The following APOB variants were observed in gnomAD, a reference collection of about 807,000 sequenced individuals.
APOB encodes the protein apolipoprotein B-100.
Under a neutral mutation model 314.1 loss-of-function variants are expected in APOB, and 153 were observed. That is an observed-to-expected ratio of 0.49 (90% CI 0.43 to 0.56). APOB has a LOEUF of 0.56. APOB is among the 20% of genes least tolerant of loss of function. The pLI is 0.00. For synonymous variants in APOB, 2,087 were observed against 2,036.4 expected, an observed-to-expected ratio of 1.02 and a Z score of -0.67; for missense variants, 5,430 against 5,350.7, an observed-to-expected ratio of 1.01 and a Z score of -0.46.
chr2:21,020,026 T>G, intron 18 of APOB, 121 bp from the exon 19 acceptor site: 5 of 851,204 alleles, frequency 5.9e-6, no homozygotes, highest in Non-Finnish European at 1.0e-5. Context: ...CACCTATCTC[T>G]AACTATTTAA....
Position 21,035,651 on chromosome 2 carries a change from C to T in APOB, c.751G>A (p.Ala251Thr), listed in dbSNP as rs61741625. 4.3e-4 allele frequency: 688 copies of T among 1,614,078 alleles called. 2 individuals carry two copies. The African/African-American group carries it at 7.3e-3, about 17-fold the overall frequency. ...SSQSCQYTLD[A>T]KRKHVAEAIC... ...GCTTCTGCCACATGCTTCCTCTTAG[C>T]GTCCAGTGTGTACTGACAGGACTGG... Residue 251 changes from alanine (A) to threonine (T), a missense_variant, in exon 7 of 29, where the codon GCT becomes ACT. Ala to Thr is a moderately conservative substitution (Grantham distance 58). Transcript: ENST00000233242.
intron 28 of APOB, among the ~76,000 whole-genome samples, chr2:21,004,019 T>A (rs1663063135): frequency 6.6e-6 from 1 of 152,218 alleles, no homozygotes; most frequent in South Asian, 2.1e-4. Flanking sequence ...ATAACCCTCA[T>A]CTTCCTGGAT....
intron 5 of APOB, 68 bp from the exon 6 acceptor site, chr2:21,037,323 T>C: frequency 6.9e-7 from 1 of 1,440,208 alleles, no homozygotes; most frequent in Non-Finnish European, 9.7e-7. Context: ...TTGGGAGGGA[T>C]GGGGTGGGGA....
intron 18 of APOB, among the ~76,000 whole-genome samples, chr2:21,020,353 C>T (rs574542215): frequency 2.0e-5 from 3 of 152,332 alleles, no homozygotes; most frequent in Admixed American, 2.0e-4. Flanking sequence ...TGCCCCTCCC[C>T]TATGCTCCTT....
chr2:21,042,898 A>G (rs550957163), intron 2 of APOB, among the ~76,000 whole-genome samples: 25 of 151,912 alleles, frequency 1.6e-4, no homozygotes, highest in African/African-American at 6.0e-4. Flanking sequence ...TTAAGCATTA[A>G]GCGTAACTAA....
In APOB at chr2:21,042,402, C is replaced by G. The variant is rs1664151833; in HGVS notation, c.196G>C (p.Gly66Arg). Residue 66 changes from glycine (G) to arginine (R), a missense_variant, in exon 3 of 29, where the codon GGG becomes CGG. Around this residue, in one of 3 missense-constraint regions of APOB, gnomAD observed 2,085 missense variants for 2,079.7 expected, o/e 1.00. Coordinates refer to ENST00000233242, the MANE Select transcript of APOB (RefSeq NM_000384.3). ...GTGGCACTTCTTGAATCAGCAGTCC[C>G]AGGGACTCCACTGGAACTCTCAGCC... Reference protein sequence around the residue: ...YEAESSSGVPGTADSRSATRI... With the variant: ...YEAESSSGVPRTADSRSATRI... 7 of 1,614,098 alleles carry G rather than the reference C, an allele frequency of 4.3e-6. No individual in the cohort carries two copies. The highest frequency in any genetic ancestry group is 5.9e-6 in the Non-Finnish European group (7 of 1,180,022).
chr2:21,004,101 G>C (rs1425665199), intron 28 of APOB, among the ~76,000 whole-genome samples, 168 bp downstream of exon 28: 1 of 152,050 alleles, frequency 6.6e-6, no homozygotes, highest in Non-Finnish European at 1.5e-5. Context: ...ATCAATCAAG[G>C]ACTCATTGTA....
rs1477183918 is a variant in APOB, at chr2:21,023,683, C to T, written c.2446G>A (p.Val816Ile). Residue 816 changes from valine (V) to isoleucine (I), a missense_variant, in exon 17 of 29, where the codon GTC becomes ATC. This residue lies in a region of APOB where 2,085 missense variants were observed against 2,079.7 expected (regional missense o/e 1.00). Coordinates refer to ENST00000233242, the MANE Select transcript of APOB (RefSeq NM_000384.3). The part of the protein sequence containing the change: ...LQGIPQMIGE[V>I]IRKGSKNDFF... ...TCATTCTTTGAGCCCTTCCTGATGACCTCTCCAATCTGTAGACCCAACAAG... is the reference window on the plus strand; with the variant it reads ...TCATTCTTTGAGCCCTTCCTGATGATCTCTCCAATCTGTAGACCCAACAAG... 4 of 1,609,794 alleles carry T rather than the reference C, an allele frequency of 2.5e-6. No homozygotes were observed. Among genetic ancestry groups the T allele is most frequent in the Admixed American group, 1.7e-5 (1 of 59,862 alleles).
intron 23 of APOB, 55 bp downstream of exon 23, chr2:21,015,018 G>A: frequency 1.3e-6 from 2 of 1,525,304 alleles, no homozygotes; most frequent in Non-Finnish European, 1.8e-6. Context: ...TCAGAGTTGA[G>A]GATGTAATTA....
intron 20 of APOB, among the ~76,000 whole-genome samples, chr2:21,017,913 C>T (rs1031750612): frequency 1.3e-5 from 2 of 152,118 alleles, no homozygotes; most frequent in Non-Finnish European, 2.9e-5. Flanking sequence ...AAGTGAACAC[C>T]TAAATGTGCC....
chr2:21,019,023 C>T lies in APOB; in HGVS notation c.3090G>A (p.Val1030=). 1 of 1,614,012 alleles carries T rather than the reference C, an allele frequency of 6.2e-7. No individual in the cohort carries two copies. The highest frequency in any genetic ancestry group is 1.3e-5 in the African/African-American group (1 of 74,986). ...CTTGAGTTACAAACTTCAGGGTATC[C>T]ACCAAGGCTCTGTCCTCTCTCTGGA... ...YELQREDRAL[V]DTLKFVTQAE... The change falls in exon 20 of 29, where the codon GTG becomes GTA. Residue 1030 remains valine, a synonymous_variant. Transcript: ENST00000233242.
chr2:21,037,437 A>G (rs1043962699), intron 5 of APOB, among the ~76,000 whole-genome samples, 182 bp from the exon 6 acceptor site: 23 of 152,052 alleles, frequency 1.5e-4, no homozygotes, highest in African/African-American at 5.3e-4. Flanking sequence ...AAGTTGGGAG[A>G]GAGAAAACCA....
At position 21,041,092 on chromosome 2, in the gene APOB, T is replaced by A. The variant is rs1664122164; in HGVS notation, c.238-9A>T. On this transcript the variant is annotated splice_polypyrimidine_tract_variant and intron_variant, in intron 3 of 28. Transcript: ENST00000233242. ...GGAACCTCCAGCTCAACCTGAGAATTCAGGGTAGCAGAGCATTGAGGTTGT... is the reference window on the plus strand; with the variant it reads ...GGAACCTCCAGCTCAACCTGAGAATACAGGGTAGCAGAGCATTGAGGTTGT... 8.7e-6 allele frequency: 14 copies of A among 1,610,488 alleles called. No individual in the cohort carries two copies. The highest frequency in any genetic ancestry group is 1.2e-5 in the Non-Finnish European group (14 of 1,179,146).
chr2:21,042,951 T>C (rs1048688403), intron 2 of APOB, among the ~76,000 whole-genome samples: 1 of 150,506 alleles, frequency 6.6e-6, no homozygotes, highest in South Asian at 2.1e-4. Flanking sequence ...GTTTCCACTG[T>C]AGTTGAGAGG....
At position 21,013,200 on chromosome 2, in the gene APOB, C is replaced by T. The variant is rs1663375658; in HGVS notation, c.4176G>A (p.Lys1392=). ...HFSLRARYHM[K]ADSVVDLLSY... Reference sequence around the variant, plus strand: ...AAAGCAGGTCAACCACAGAGTCAGCCTTCATGTGGTAACGAGCCCGAAGGC... The same window carrying T: ...AAAGCAGGTCAACCACAGAGTCAGCTTTCATGTGGTAACGAGCCCGAAGGC... Residue 1392 remains lysine (K), a synonymous_variant, in exon 25 of 29, where the codon AAG becomes AAA. Transcript: ENST00000233242. 2 of 1,614,160 alleles carry T rather than the reference C, an allele frequency of 1.2e-6. No homozygotes were observed. The highest frequency in any genetic ancestry group is 1.7e-5 in the Admixed American group (1 of 60,020).
intron 14 of APOB, 61 bp from the exon 15 acceptor site, chr2:21,027,025 T>C (rs376025562): frequency 6.8e-7 from 1 of 1,473,376 alleles, no homozygotes. Context: ...GCCAGCCTAG[T>C]AGTCCCCACT....
In APOB at chr2:21,025,139, A is replaced by G; in HGVS notation, c.2245-15T>C. On this transcript the variant is annotated splice_polypyrimidine_tract_variant and intron_variant, in intron 15 of 28. Coordinates refer to ENST00000233242, the MANE Select transcript of APOB (RefSeq NM_000384.3). Reference sequence around the variant, plus strand: ...TTTACCATATCCTGAGAGTTTAGTAATAAAATGGCCAGTGAGATGTCAGCA... The same window carrying G: ...TTTACCATATCCTGAGAGTTTAGTAGTAAAATGGCCAGTGAGATGTCAGCA... 2 of 1,612,270 alleles carry G rather than the reference A, an allele frequency of 1.2e-6. No individual in the cohort carries two copies. The highest frequency in any genetic ancestry group is 1.7e-6 in the Non-Finnish European group (2 of 1,179,316).
chr2:21,038,540 T>C (rs965110813), intron 4 of APOB, among the ~76,000 whole-genome samples: 4 of 152,296 alleles, frequency 2.6e-5, no homozygotes, highest in African/African-American at 9.6e-5. Context: ...TTCACCATGT[T>C]GGCCAGGCTG....
chr2:21,011,246 C>A lies in APOB; in HGVS notation c.5622G>T (p.Gly1874=). 1 of 1,614,224 alleles carries A rather than the reference C, an allele frequency of 6.2e-7. No homozygotes were observed. ...FSHRLNTDIA[G]LASAIDMSTN... ...TGCTCATGTCAATGGCTGAAGCCAG[C>A]CCAGCGATGTCTGTGTTGAGCCGAT... is the stretch of plus-strand genomic sequence containing the variant. The change falls in exon 26 of 29, where the codon GGG becomes GGT. Residue 1874 remains glycine (G), a synonymous_variant. Transcript: ENST00000233242.
Sources: allele counts gnomAD v4.1 joint callset (sites outside exome capture counted in the v4.1 genomes callset), GRCh38; gene constraint gnomAD v4.1.1; regional missense constraint gnomAD v4.1.1; transcripts MANE v1.5; gene names NCBI Gene and HGNC (gene_info 2026-07-23, HGNC 2026-07-21).